ANKRD16: variants seen among roughly 807,000 people sequenced by gnomAD.
ANKRD16 encodes the protein ankyrin repeat domain-containing protein 16.
ANKRD16 carries 35 observed loss-of-function variants against 37.9 expected under a neutral mutation model. The ratio of observed to expected loss-of-function variants is 0.92; its 90% confidence interval spans 0.71 to 1.23. ANKRD16 has a LOEUF of 1.23. Ranked by LOEUF, ANKRD16 falls within the 50% of genes most tolerant of loss-of-function variation. The probability of loss-of-function intolerance (pLI) is 0.00; values close to 1 mark genes in which losing one functional copy is unlikely to be tolerated. For missense variants in ANKRD16, 480 were observed against 469.9 expected (o/e 1.02, Z -0.20); for synonymous variants, 206 against 197.2 (o/e 1.04, Z -0.37).
chr10:5,889,361 G>A lies in ANKRD16; in HGVS notation c.-7C>T. The A allele has an allele frequency of 8.2e-7, 1 of 1,213,374 alleles. No individual in the cohort carries two copies. The highest frequency in any genetic ancestry group is 1.0e-6 in the Non-Finnish European group (1 of 978,154). The allele number at this position is 1,213,374 out of a possible 1,614,324, so 75.2% of individuals were successfully genotyped here. ...GGTCCCCGGGCTGGGCCATCGCCGC[G>A]GGTCGGGCCGGGCTGCGCGGGGAGG... On this transcript the variant is annotated 5_prime_UTR_variant, in exon 1 of 8. Transcript: ENST00000380094.
At chr10:5,885,850 C>A in intron 2 of ANKRD16, 85 bp from the exon 3 acceptor site, 1 of 1,381,648 alleles carries the variant, frequency 7.2e-7, no homozygotes. Flanking sequence ...CTCTCTGCCC[C>A]GTTCTATTAG....
In ANKRD16 at chr10:5,871,559, C is replaced by G. The variant is rs1177794730; in HGVS notation, c.*33+6538G>C. On this transcript the variant is annotated intron_variant, in intron 7 of 7. Coordinates refer to ENST00000380094, the MANE Select transcript of ANKRD16 (RefSeq NM_019046.3). This position sits in a 1 kb window ranked among gnomAD's most constrained non-coding sequence, Gnocchi z 4.5. ...ATGTGCTCCACAAATCCCCCACCCT[C>G]CTAGATACTGGCATTGAATGAGGCG... is the stretch of plus-strand genomic sequence containing the variant. 6.6e-6 allele frequency among the ~76,000 whole-genome samples: 1 copy of G among 152,216 alleles called. No individual in the cohort carries two copies.
Position 5,878,094 on chromosome 10 carries a change from T to C in ANKRD16, c.*33+3A>G. On this transcript the variant is annotated splice_donor_region_variant and intron_variant, in intron 7 of 7. Coordinates refer to ENST00000380094, the MANE Select transcript of ANKRD16 (RefSeq NM_019046.3). This position sits in a 1 kb window ranked among gnomAD's most constrained non-coding sequence, Gnocchi z 5.1. Reference sequence around the variant, plus strand: ...CTGACTTAAGAAGCAGGATATGAATTACCATGCACTTTATTGCCTCCTCTT... The same window carrying C: ...CTGACTTAAGAAGCAGGATATGAATCACCATGCACTTTATTGCCTCCTCTT... 1 of 1,592,000 alleles carries C rather than the reference T, an allele frequency of 6.3e-7. No individual in the cohort carries two copies. The highest frequency in any genetic ancestry group is 2.3e-5 in the East Asian group (1 of 44,250).
intron 7 of ANKRD16, among the ~76,000 whole-genome samples, chr10:5,877,141 C>A (rs1473993635): frequency 6.6e-6 from 1 of 151,418 alleles, no homozygotes; most frequent in Non-Finnish European, 1.5e-5. Context: ...GAGACGGAGT[C>A]ATGCTCTGTC....
At chr10:5,883,275 C>T (rs554318207) in intron 4 of ANKRD16, 108 bp from the exon 5 acceptor site, 1 of 1,124,700 alleles carries the variant, frequency 8.9e-7, no homozygotes, top group African/African-American at 1.6e-5. Flanking sequence ...TTACGCACAA[C>T]TCTCTGGGCA....
Position 5,865,435 on chromosome 10 carries a change from T to C in ANKRD16, c.*34-2744A>G. ...ACTGAGCCCCAGGTATGTTTAACTATTGAGGGCCAGGAAATCGACTTCCTC... is the reference window on the plus strand; with the variant it reads ...ACTGAGCCCCAGGTATGTTTAACTACTGAGGGCCAGGAAATCGACTTCCTC... On this transcript the variant is annotated intron_variant, in intron 7 of 7. Transcript: ENST00000380094. The surrounding 1 kb of genome is among the most constrained non-coding windows in gnomAD (Gnocchi z 4.7). 6.6e-6 allele frequency among the ~76,000 whole-genome samples: 1 copy of C among 152,180 alleles called. No individual in the cohort carries two copies. The highest frequency in any genetic ancestry group is 1.9e-4 in the East Asian group (1 of 5,198).
chr10:5,881,312 T>C (rs1056506820), intron 5 of ANKRD16, among the ~76,000 whole-genome samples: 1 of 151,032 alleles, frequency 6.6e-6, no homozygotes, highest in Non-Finnish European at 1.5e-5. Context: ...CAAGCAAATA[T>C]ACTCTTTGTT....
rs1480708920 is a variant in ANKRD16 at position 5,889,132 on chromosome 10, G to A, written c.223C>T (p.Leu75=). 6.3e-7 allele frequency: 1 copy of A among 1,598,288 alleles called. No homozygotes were observed. The highest frequency in any genetic ancestry group is 8.5e-7 in the Non-Finnish European group (1 of 1,179,046). ...EATNRDYKRP[L]HEAASMGHRD... Reference sequence around the variant, plus strand: ...TGGCCCATGGAGGCCGCCTCGTGCAGAGGCCGCTTGTAGTCTCGGTTGGTG... The same window carrying A: ...TGGCCCATGGAGGCCGCCTCGTGCAAAGGCCGCTTGTAGTCTCGGTTGGTG... Residue 75 remains leucine (L), a synonymous_variant, in exon 1 of 8, where the codon CTG becomes TTG. Transcript: ENST00000380094.
At chr10:5,876,521 G>A (rs1376671262) in intron 7 of ANKRD16, among the ~76,000 whole-genome samples, 1 of 152,174 alleles carries the variant, frequency 6.6e-6, no homozygotes, top group African/African-American at 2.4e-5. Flanking sequence ...CATTGACGCA[G>A]GCATCTCTGG....
rs912827346 is a variant in ANKRD16 at position 5,868,196 on chromosome 10, G to A, written c.*34-5505C>T. On this transcript the variant is annotated intron_variant, in intron 7 of 7. Coordinates refer to ENST00000380094, the MANE Select transcript of ANKRD16 (RefSeq NM_019046.3). This position sits in a 1 kb window ranked among gnomAD's most constrained non-coding sequence, Gnocchi z 4.9. ...GATCGAGGCCATCAAGCTACAGATGGTCTTACAAATGGAACCCCAAATGAG... is the reference window on the plus strand; with the variant it reads ...GATCGAGGCCATCAAGCTACAGATGATCTTACAAATGGAACCCCAAATGAG... 5.9e-5 allele frequency among the ~76,000 whole-genome samples: 9 copies of A among 152,148 alleles called. No individual in the cohort carries two copies. The highest frequency in any genetic ancestry group is 2.2e-4 in the African/African-American group (9 of 41,438).
rs1842211330 is a variant in ANKRD16, at chr10:5,877,987, G to T, written c.*33+110C>A. ...CTGATCACTGGGAACTCCTCAGCAG[G>T]AGTGGAACATGCAGGATGAGGGAAG... On this transcript the variant is annotated intron_variant, in intron 7 of 7. Coordinates refer to ENST00000380094, the MANE Select transcript of ANKRD16 (RefSeq NM_019046.3). 9.0e-6 allele frequency: 11 copies of T among 1,224,184 alleles called. No homozygotes were observed. The South Asian group carries it at 1.6e-4, about 18-fold the overall frequency. The allele number at this position is 1,224,184 out of a possible 1,614,324, so 75.8% of individuals were successfully genotyped here. A position where few individuals can be genotyped will look rare whatever the true frequency, so the allele number is the denominator to read the frequency against.
At chr10:5,876,977 G>A (rs1842195838) in intron 7 of ANKRD16, among the ~76,000 whole-genome samples, 1 of 152,188 alleles carries the variant, frequency 6.6e-6, no homozygotes. Flanking sequence ...AAAGCTAAAT[G>A]TCAAGTGTTT....
chr10:5,872,844 C>T lies in ANKRD16; in HGVS notation c.*33+5253G>A, dbSNP rs564935354. Among the ~76,000 whole-genome samples, 9 of 151,328 alleles carry T rather than the reference C, an allele frequency of 5.9e-5. No individual in the cohort carries two copies. In the South Asian group the frequency reaches 6.3e-4, roughly 11 times the overall value. ...GTGCTGGCATTACAGGCGTGAGCCACCGCGCCCGGCCCTGCATTTTATTTT... is the reference window on the plus strand; with the variant it reads ...GTGCTGGCATTACAGGCGTGAGCCATCGCGCCCGGCCCTGCATTTTATTTT... On this transcript the variant is annotated intron_variant, in intron 7 of 7. Coordinates refer to ENST00000380094, the MANE Select transcript of ANKRD16 (RefSeq NM_019046.3).
Position 5,889,697 on chromosome 10 carries a change from C to A in ANKRD16, c.-343G>T, listed in dbSNP as rs1455651287. The A allele has an allele frequency of 1.2e-5, 2 of 169,236 alleles. No homozygotes were observed. Among genetic ancestry groups the A allele is most frequent in the Non-Finnish European group, 2.5e-5 (2 of 79,652 alleles). The allele number at this position is 169,236 out of a possible 1,614,324, so 10.5% of individuals were successfully genotyped here. ...GGGATCCGAGAGCGCTGGCGTCCGC[C>A]GTCCTGGAGCTGCAGCGGCCCGTAC... On this transcript the variant is annotated 5_prime_UTR_variant, in exon 1 of 8. Coordinates refer to ENST00000380094, the MANE Select transcript of ANKRD16 (RefSeq NM_019046.3).
At chr10:5,867,123 C>T (rs1004184349) in intron 7 of ANKRD16, among the ~76,000 whole-genome samples, 1 of 152,130 alleles carries the variant, frequency 6.6e-6, no homozygotes, top group South Asian at 2.1e-4. Flanking sequence ...ACTCCAATAC[C>T]ACCTTGTTAT....
chr10:5,866,789 A>C lies in ANKRD16; in HGVS notation c.*34-4098T>G, dbSNP rs1364196827. On this transcript the variant is annotated intron_variant, in intron 7 of 7. Coordinates refer to ENST00000380094, the MANE Select transcript of ANKRD16 (RefSeq NM_019046.3). The surrounding 1 kb of genome is among the most constrained non-coding windows in gnomAD (Gnocchi z 4.3). ...AGGAGAGAAAGAGACAGACAGAGAG[A>C]AAGAGAGGAAGAGACAGAGACAAAG... Among the ~76,000 whole-genome samples the C allele has an allele frequency of 6.6e-6, 1 of 152,112 alleles. No individual in the cohort carries two copies. Among genetic ancestry groups the C allele is most frequent in the Non-Finnish European group, 1.5e-5 (1 of 68,008 alleles).
chr10:5,876,261 T>C (rs1416775440), intron 7 of ANKRD16, among the ~76,000 whole-genome samples: 1 of 152,228 alleles, frequency 6.6e-6, no homozygotes, highest in Non-Finnish European at 1.5e-5. Context: ...AACCACGGTT[T>C]CTATTACAAA....
rs999894984 is a variant in ANKRD16, at chr10:5,869,076, AT to A, written c.*34-6386del. 1.6e-3 allele frequency among the ~76,000 whole-genome samples: 243 copies of A among 149,064 alleles called. No homozygotes were observed. Among genetic ancestry groups the A allele is most frequent in the Middle Eastern group, 3.4e-3 (1 of 290 alleles). On this transcript the variant is annotated intron_variant, in intron 7 of 7. Transcript: ENST00000380094. The surrounding 1 kb of genome is among the most constrained non-coding windows in gnomAD (Gnocchi z 4.0). ...TCTTAAAACATTGAGATGTTTTGCG[AT>A]TTTTTTTTTTAAAGCTCATCAGCTA...
rs143424162 is a variant in ANKRD16 at position 5,863,760 on chromosome 10, C to T, written c.*34-1069G>A. Among the ~76,000 whole-genome samples the T allele has an allele frequency of 8.1e-3, 1,236 of 152,246 alleles. 22 individuals carry two copies. Among genetic ancestry groups the T allele is most frequent in the African/African-American group, 0.027 (1,124 of 41,510 alleles). ...GGCTTCATTCCTGAAGTCAGCAAGACCACAAACCCACTGGGAAGAACAAAC... is the reference window on the plus strand; with the variant it reads ...GGCTTCATTCCTGAAGTCAGCAAGATCACAAACCCACTGGGAAGAACAAAC... On this transcript the variant is annotated intron_variant, in intron 7 of 7. Transcript: ENST00000380094. The surrounding 1 kb of genome is among the most constrained non-coding windows in gnomAD (Gnocchi z 4.7).
Sources: allele counts gnomAD v4.1 joint callset (sites outside exome capture counted in the v4.1 genomes callset), GRCh38; gene constraint gnomAD v4.1.1; non-coding constraint Gnocchi (gnomAD v3.1); transcripts MANE v1.5; gene names NCBI Gene and HGNC (gene_info 2026-07-23, HGNC 2026-07-21).